NT5C2: variants seen among roughly 807,000 people sequenced by gnomAD.
NT5C2 encodes cytosolic purine 5'-nucleotidase.
A neutral mutation model predicts 76.1 loss-of-function variants in NT5C2; 58 were observed. The ratio of observed to expected loss-of-function variants is 0.76; its 90% confidence interval spans 0.62 to 0.95. The LOEUF (loss-of-function observed/expected upper bound fraction) is 0.95. Ranked by LOEUF, NT5C2 falls within the 40% of genes least tolerant of loss-of-function variation. NT5C2 has a pLI of 0.00. For missense variants in NT5C2, 478 were observed against 690.3 expected, an observed-to-expected ratio of 0.69 and a Z score of 3.45; for synonymous variants, 229 against 237.4, an observed-to-expected ratio of 0.96 and a Z score of 0.32.
intron 4 of NT5C2, among the ~76,000 whole-genome samples, chr10:103,132,262 T>C (rs151297298): frequency 2.0e-5 from 3 of 146,650 alleles, no homozygotes; most frequent in Non-Finnish European, 3.0e-5. Flanking sequence ...AAAAGTGTCA[T>C]AGCAATGAAA....
At chr10:103,140,941 G>C (rs926200205) in intron 3 of NT5C2, among the ~76,000 whole-genome samples, 7 of 152,200 alleles carry the variant, frequency 4.6e-5, no homozygotes, top group East Asian at 3.9e-4. Flanking sequence ...ACAGATACAT[G>C]GTTCGCAAAC....
chr10:103,145,497 C>A (rs2081321748), intron 3 of NT5C2, among the ~76,000 whole-genome samples: 1 of 152,180 alleles, frequency 6.6e-6, no homozygotes, highest in Admixed American at 6.5e-5. Flanking sequence ...TGTACCTTTG[C>A]CAATGTCAGT....
chr10:103,093,870 A>C, intron 14 of NT5C2, 102 bp downstream of exon 14: 1 of 840,868 alleles, frequency 1.2e-6, no homozygotes, highest in Non-Finnish European at 2.0e-6. Context: ...ATGACATCTT[A>C]GACTACTAAA....
At position 103,093,497 on chromosome 10, in the gene NT5C2, G is replaced by T. The variant is rs2067409737; in HGVS notation, c.989-188C>A. On this transcript the variant is annotated intron_variant, in intron 14 of 18. Coordinates refer to ENST00000404739, the MANE Select transcript of NT5C2 (RefSeq NM_001351169.2). ...ACAAGGCCTTCAGCTCCACTGTGCT[G>T]ACCAGAGCTCTTGCTCACCAAATCC... Among the ~76,000 whole-genome samples the T allele has an allele frequency of 1.3e-5, 2 of 152,148 alleles. 1 individual carries two copies. The highest frequency in any genetic ancestry group is 4.8e-5 in the African/African-American group (2 of 41,442).
intron 3 of NT5C2, among the ~76,000 whole-genome samples, chr10:103,145,764 T>C (rs1439179547): frequency 6.6e-6 from 1 of 152,114 alleles, no homozygotes; most frequent in East Asian, 1.9e-4. Flanking sequence ...ACAGGAACAC[T>C]CTAAAACGAA....
chr10:103,106,339 C>CT (rs1348834620), intron 5 of NT5C2, among the ~76,000 whole-genome samples: 2 of 151,844 alleles, frequency 1.3e-5, no homozygotes, highest in African/African-American at 4.8e-5. Flanking sequence ...TAGTAATCTC[C>CT]TTTTTTACCT....
At chr10:103,156,029 G>A (rs1045877797) in intron 3 of NT5C2, among the ~76,000 whole-genome samples, 2 of 152,100 alleles carry the variant, frequency 1.3e-5, no homozygotes, top group African/African-American at 2.4e-5. Flanking sequence ...AGCCAGGTAT[G>A]GTGGCATGCA....
chr10:103,154,293 T>C (rs1464299787), intron 3 of NT5C2, among the ~76,000 whole-genome samples: 1 of 152,166 alleles, frequency 6.6e-6, no homozygotes, highest in Non-Finnish European at 1.5e-5. Flanking sequence ...TTTATCCCTT[T>C]AAATATTACC....
At chr10:103,145,468 T>C (rs962406474) in intron 3 of NT5C2, among the ~76,000 whole-genome samples, 7 of 152,204 alleles carry the variant, frequency 4.6e-5, no homozygotes, top group African/African-American at 1.2e-4. Context: ...AAAATTTCTA[T>C]TGGTCTCCGG....
At chr10:103,164,089 T>TA (rs1766845445) in intron 3 of NT5C2, among the ~76,000 whole-genome samples, 2 of 151,540 alleles carry the variant, frequency 1.3e-5, no homozygotes, top group Admixed American at 6.6e-5. Context: ...AAATAAAAAA[T>TA]AAAAAAATAG....
intron 11 of NT5C2, 63 bp from the exon 12 acceptor site, chr10:103,096,043 G>T: frequency 8.6e-7 from 1 of 1,161,858 alleles, no homozygotes; most frequent in South Asian, 1.2e-5. Context: ...ATAACCTAAA[G>T]AAATTACAAG....
chr10:103,161,604 G>C (rs2084904328), intron 3 of NT5C2, among the ~76,000 whole-genome samples: 1 of 152,092 alleles, frequency 6.6e-6, no homozygotes, highest in South Asian at 2.1e-4. Flanking sequence ...TAGTGCTACA[G>C]TCCCAGCTAC....
At chr10:103,107,952 C>A (rs372728129) in intron 4 of NT5C2, among the ~76,000 whole-genome samples, 1 of 152,034 alleles carries the variant, frequency 6.6e-6, no homozygotes. Flanking sequence ...GTCAGGAGTT[C>A]CAGACCAGCC....
At chr10:103,146,435 G>C in intron 3 of NT5C2, 1 of 985,296 alleles carries the variant, frequency 1.0e-6, no homozygotes, top group Non-Finnish European at 1.2e-6. Context: ...TTTTCCTTAT[G>C]GGCTTGCATA....
At chr10:103,116,738 G>A (rs2074449542) in intron 4 of NT5C2, among the ~76,000 whole-genome samples, 1 of 150,638 alleles carries the variant, frequency 6.6e-6, no homozygotes, top group Non-Finnish European at 1.5e-5. Flanking sequence ...ACCACACCTG[G>A]CTAATTTTTT....
chr10:103,094,630 T>C, intron 12 of NT5C2, 175 bp from the exon 13 acceptor site: 1 of 554,642 alleles, frequency 1.8e-6, no homozygotes, highest in Non-Finnish European at 3.2e-6. Flanking sequence ...ACACCTGTAA[T>C]CCCAGTACTT....
chr10:103,169,079 G>A (rs1248297692), intron 3 of NT5C2, among the ~76,000 whole-genome samples: 2 of 152,062 alleles, frequency 1.3e-5, no homozygotes, highest in Admixed American at 1.3e-4. Flanking sequence ...ACATCATGAT[G>A]AGTACAGATA....
intron 2 of NT5C2, among the ~76,000 whole-genome samples, chr10:103,179,625 C>T (rs2090710865): frequency 6.6e-6 from 1 of 151,080 alleles, no homozygotes; most frequent in Admixed American, 6.6e-5. Context: ...CGCTTTGAGC[C>T]CAGGAGTTTG....
chr10:103,123,857 A>AGCGGG (rs1565070503), intron 4 of NT5C2, among the ~76,000 whole-genome samples: 1 of 149,070 alleles, frequency 6.7e-6, no homozygotes, highest in African/African-American at 2.5e-5. Flanking sequence ...TGGGGGGGGA[A>AGCGGG]AAAAAAAGTC....
Sources: allele counts gnomAD v4.1 joint callset (sites outside exome capture counted in the v4.1 genomes callset), GRCh38; gene constraint gnomAD v4.1.1; transcripts MANE v1.5; gene names NCBI Gene and HGNC (gene_info 2026-07-23, HGNC 2026-07-21).